EBF3: variants seen among roughly 807,000 people sequenced by gnomAD.
EBF3 encodes the protein transcription factor COE3.
A neutral mutation model predicts 77.1 loss-of-function variants in EBF3; 18 were observed. The observed-to-expected ratio is 0.23, with a 90% CI of 0.16 to 0.35. EBF3 has a LOEUF of 0.35. Among genes scored for constraint, EBF3 ranks in the 10% least tolerant of loss-of-function variants. The probability of loss-of-function intolerance (pLI) is 1.00; values close to 1 mark genes in which losing one functional copy is unlikely to be tolerated. For missense variants in EBF3, 558 were observed against 860.0 expected, an observed-to-expected ratio of 0.65 and a Z score of 4.39; for synonymous variants, 350 against 343.5, an observed-to-expected ratio of 1.02 and a Z score of -0.21.
At chr10:129,839,940 C>G (rs766321964) in intron 15 of EBF3, among the ~76,000 whole-genome samples, 5 of 152,370 alleles carry the variant, frequency 3.3e-5, no homozygotes, top group Non-Finnish European at 7.3e-5. Context: ...CACCACACTC[C>G]CGCCTTCTCT....
chr10:129,908,536 G>T (rs985978306), intron 6 of EBF3, among the ~76,000 whole-genome samples: 1 of 152,204 alleles, frequency 6.6e-6, no homozygotes, highest in Admixed American at 6.5e-5. Flanking sequence ...AGAGGAGACG[G>T]GATATACCTG....
intron 10 of EBF3, among the ~76,000 whole-genome samples, chr10:129,866,903 A>G (rs747666954): frequency 6.6e-5 from 10 of 152,230 alleles, no homozygotes; most frequent in Non-Finnish European, 1.5e-4. Flanking sequence ...CCACAAAGGG[A>G]GAGAGGTACC....
chr10:129,925,368 C>T (rs991803268), intron 6 of EBF3, among the ~76,000 whole-genome samples: 1 of 151,774 alleles, frequency 6.6e-6, no homozygotes, highest in Non-Finnish European at 1.5e-5. Flanking sequence ...ATGTGCGGTA[C>T]ACAGACCACT....
chr10:129,900,824 G>A (rs980128490), intron 6 of EBF3, among the ~76,000 whole-genome samples: 2 of 152,218 alleles, frequency 1.3e-5, no homozygotes, highest in Admixed American at 6.5e-5. Context: ...GGCAACCTGG[G>A]TAGACTTCCA....
intron 11 of EBF3, among the ~76,000 whole-genome samples, chr10:129,844,273 C>T (rs887971815): frequency 1.8e-4 from 28 of 152,154 alleles, no homozygotes; most frequent in Non-Finnish European, 4.0e-4. Flanking sequence ...TACATCTGGG[C>T]ACCTCTTGTT....
chr10:129,960,223 C>T (rs1296918835), intron 4 of EBF3, among the ~76,000 whole-genome samples: 1 of 152,206 alleles, frequency 6.6e-6, no homozygotes, highest in Non-Finnish European at 1.5e-5. Flanking sequence ...TCTCCGGTTC[C>T]CGCCCCCACC....
intron 6 of EBF3, among the ~76,000 whole-genome samples, chr10:129,926,662 TACTC>T (rs1856696333): frequency 1.3e-5 from 2 of 152,170 alleles, no homozygotes; most frequent in South Asian, 4.1e-4. Flanking sequence ...GGGACAGGCT[TACTC>T]ACTACCCAAA....
In EBF3 at chr10:129,935,396, A is replaced by C. The variant is rs1857290053; in HGVS notation, c.554+21862T>G. ...ATCCTGTCCTGCCTGGCTCCAGCAGAAGGACCCAGTGCCATCATTCTGACC... is the reference window on the plus strand; with the variant it reads ...ATCCTGTCCTGCCTGGCTCCAGCAGCAGGACCCAGTGCCATCATTCTGACC... On this transcript the variant is annotated intron_variant, in intron 6 of 16. Coordinates refer to ENST00000440978, the MANE Select transcript of EBF3 (RefSeq NM_001375380.1). The surrounding 1 kb of genome is among the most constrained non-coding windows in gnomAD (Gnocchi z 4.2). Among the ~76,000 whole-genome samples, 1 of 152,112 alleles carries C rather than the reference A, an allele frequency of 6.6e-6. No homozygotes were observed. Among genetic ancestry groups the C allele is most frequent in the African/African-American group, 2.4e-5 (1 of 41,440 alleles).
chr10:129,842,098 C>T lies in EBF3; in HGVS notation c.1372+18G>A, dbSNP rs769244170. On this transcript the variant is annotated intron_variant, in intron 13 of 16. Transcript: ENST00000440978. This position sits in a 1 kb window ranked among gnomAD's most constrained non-coding sequence, Gnocchi z 4.4. ...GGAGGGCGTTCAGGGCAGGGGTCCT[C>T]CCAGCATGCTGGCATACCTTGGTCG... 41 of 1,614,116 alleles carry T rather than the reference C, an allele frequency of 2.5e-5. No individual in the cohort carries two copies. The highest frequency in any genetic ancestry group is 3.4e-5 in the Non-Finnish European group (40 of 1,179,988).
At position 129,868,920 on chromosome 10, in the gene EBF3, C is replaced by A. The variant is rs369923117; in HGVS notation, c.782-1008G>T. On this transcript the variant is annotated intron_variant, in intron 8 of 16. Transcript: ENST00000440978. ...CCAAAGCCTCGGAGCCTGTCACCTGCAGGGCTTCCGCAGCCCGGGCCAGGA... is the reference window on the plus strand; with the variant it reads ...CCAAAGCCTCGGAGCCTGTCACCTGAAGGGCTTCCGCAGCCCGGGCCAGGA... Among the ~76,000 whole-genome samples, 4 of 152,360 alleles carry A rather than the reference C, an allele frequency of 2.6e-5. No homozygotes were observed. In the East Asian group the frequency reaches 7.7e-4, roughly 29 times the overall value.
At position 129,838,773 on chromosome 10, in the gene EBF3, T is replaced by A. The variant is rs930665326; in HGVS notation, c.1872+310A>T. 2.4e-4 allele frequency among the ~76,000 whole-genome samples: 36 copies of A among 152,266 alleles called. 1 individual carries two copies. Among genetic ancestry groups the A allele is most frequent in the African/African-American group, 8.2e-4 (34 of 41,476 alleles). ...ATGTATAACATATTAATACATTTGT[T>A]CATGTAGTGACGTGAGCTTCAATTT... On this transcript the variant is annotated intron_variant, in intron 16 of 16. Transcript: ENST00000440978.
At chr10:129,844,316 G>C (rs1408135633) in intron 11 of EBF3, among the ~76,000 whole-genome samples, 1 of 152,190 alleles carries the variant, frequency 6.6e-6, no homozygotes, top group African/African-American at 2.4e-5. Context: ...TGGACAAAAA[G>C]TAAGGCAGGT....
chr10:129,849,209 A>G (rs1850684249), intron 10 of EBF3, among the ~76,000 whole-genome samples: 2 of 152,222 alleles, frequency 1.3e-5, no homozygotes, highest in East Asian at 3.8e-4. Context: ...CAAGCTTTAT[A>G]AGGAGCCATC....
chr10:129,861,184 C>T lies in EBF3; in HGVS notation c.1039+5957G>A, dbSNP rs557596647. On this transcript the variant is annotated intron_variant, in intron 10 of 16. Coordinates refer to ENST00000440978, the MANE Select transcript of EBF3 (RefSeq NM_001375380.1). The surrounding 1 kb of genome is among the most constrained non-coding windows in gnomAD (Gnocchi z 4.3). Reference sequence around the variant, plus strand: ...TGTGCCGTAGCAGTGGGGAGGACAGCGGTGGGAGCCTGCCCTCCCTCCCTT... The same window carrying T: ...TGTGCCGTAGCAGTGGGGAGGACAGTGGTGGGAGCCTGCCCTCCCTCCCTT... Among the ~76,000 whole-genome samples, 2 of 152,282 alleles carry T rather than the reference C, an allele frequency of 1.3e-5. No homozygotes were observed. Among genetic ancestry groups the T allele is most frequent in the South Asian group, 2.1e-4 (1 of 4,822 alleles).
chr10:129,838,938 C>T (rs1409188497), intron 16 of EBF3, 145 bp downstream of exon 16: 10 of 691,962 alleles, frequency 1.4e-5, no homozygotes, highest in Non-Finnish European at 1.9e-5. Context: ...GGCAGGGCCG[C>T]GGCACCTCAC....
Position 129,848,282 on chromosome 10 carries a change from G to T in EBF3, c.1128+110C>A. 1 of 1,166,728 alleles carries T rather than the reference G, an allele frequency of 8.6e-7. No homozygotes were observed. 72.3% of individuals were successfully genotyped at this position (1,166,728 alleles called of 1,614,324 possible). A position where few individuals can be genotyped will look rare whatever the true frequency, so the allele number is the denominator to read the frequency against. On this transcript the variant is annotated intron_variant, in intron 11 of 16. Transcript: ENST00000440978. The surrounding 1 kb of genome is among the most constrained non-coding windows in gnomAD (Gnocchi z 4.4). ...CTGTCGGCCCTGTGGTGGGCACAGA[G>T]TTTGGGGAATCTGCAATCCCCCCTT...
chr10:129,931,419 T>C (rs1857018644), intron 6 of EBF3, among the ~76,000 whole-genome samples: 1 of 152,170 alleles, frequency 6.6e-6, no homozygotes, highest in African/African-American at 2.4e-5. Flanking sequence ...CCATGCACGC[T>C]GAGGATCCTG....
Position 129,959,020 on chromosome 10 carries a change from C to T in EBF3, c.412-13G>A, listed in dbSNP as rs1014969446. 12 of 1,597,212 alleles carry T rather than the reference C, an allele frequency of 7.5e-6. No homozygotes were observed. The African/African-American group carries it at 1.2e-4, about 17-fold the overall frequency. ...CGTAGACGATGGCCTGCGCGAGGGA[C>T]AAGCAGAGGCTGGGGTTACGCGGCG... On this transcript the variant is annotated splice_polypyrimidine_tract_variant and intron_variant, in intron 4 of 16. Coordinates refer to ENST00000440978, the MANE Select transcript of EBF3 (RefSeq NM_001375380.1).
chr10:129,955,954 C>G (rs1859003715), intron 6 of EBF3, among the ~76,000 whole-genome samples: 1 of 152,202 alleles, frequency 6.6e-6, no homozygotes, highest in East Asian at 1.9e-4. Flanking sequence ...TATATGATTT[C>G]CATGGCCACA....
Sources: allele counts gnomAD v4.1 joint callset (sites outside exome capture counted in the v4.1 genomes callset), GRCh38; gene constraint gnomAD v4.1.1; non-coding constraint Gnocchi (gnomAD v3.1); transcripts MANE v1.5; gene names NCBI Gene and HGNC (gene_info 2026-07-23, HGNC 2026-07-21).